Variants in CSMD1 observed in about 807,000 individuals in gnomAD.
The protein encoded by CSMD1 is CUB and sushi domain-containing protein 1.
In CSMD1, 213 loss-of-function variants were observed where a neutral mutation model predicts 417.5. That is an observed-to-expected ratio of 0.51 (90% CI 0.46 to 0.57). CSMD1 has a LOEUF of 0.57. Among genes scored for constraint, CSMD1 ranks in the 20% least tolerant of loss-of-function variants. CSMD1 has a pLI of 0.00. For synonymous variants in CSMD1, 2,862 were observed against 1,736.8 expected (o/e 1.65, Z -16.11); for missense variants, 6,923 against 4,529.7 (o/e 1.53, Z -15.17).
At chr8:4,214,357 G>C (rs903698013) in intron 3 of CSMD1, among the ~76,000 whole-genome samples, 3 of 152,190 alleles carry the variant, frequency 2.0e-5, no homozygotes, top group African/African-American at 4.8e-5. Flanking sequence ...GAGTGCAGTG[G>C]TGCGATCTTG....
chr8:2,999,649 C>T (rs1487971417), intron 53 of CSMD1, among the ~76,000 whole-genome samples: 2 of 152,088 alleles, frequency 1.3e-5, no homozygotes, highest in African/African-American at 2.4e-5. Context: ...CCAGTTTATC[C>T]TGTGATAAAA....
rs1194770188 is a variant in CSMD1 at position 3,533,149 on chromosome 8, A to G, written c.1345-39423T>C. On this transcript the variant is annotated intron_variant, in intron 10 of 69. Transcript: ENST00000635120. ...AGGACTTATTTTTGCAGAGGAAGAA[A>G]TTTAAAGATCAAATTCTGTGCCAAA... Among the ~76,000 whole-genome samples the G allele has an allele frequency of 2.0e-5, 3 of 152,206 alleles. No homozygotes were observed. In the East Asian group the frequency reaches 5.8e-4, roughly 29 times the overall value.
chr8:3,412,963 A>G (rs1812908794), intron 12 of CSMD1, among the ~76,000 whole-genome samples: 1 of 152,290 alleles, frequency 6.6e-6, no homozygotes, highest in South Asian at 2.1e-4. Flanking sequence ...GCATAGCACA[A>G]ATCTGTGCAG....
chr8:3,072,649 G>C (rs1443952222), intron 49 of CSMD1, among the ~76,000 whole-genome samples: 2 of 152,138 alleles, frequency 1.3e-5, no homozygotes, highest in African/African-American at 4.8e-5. Flanking sequence ...CCTTTTAATA[G>C]TATCCCAATT....
intron 3 of CSMD1, among the ~76,000 whole-genome samples, chr8:4,285,440 G>A (rs1007979712): frequency 6.6e-6 from 1 of 152,138 alleles, no homozygotes; most frequent in African/African-American, 2.4e-5. Context: ...ACCTAGACAA[G>A]GGTATTAGTT....
chr8:3,142,408 T>A (rs933855365), intron 41 of CSMD1, 57 bp downstream of exon 41: 6 of 1,382,228 alleles, frequency 4.3e-6, no homozygotes, highest in Non-Finnish European at 6.1e-6. Flanking sequence ...TTAAATACAA[T>A]TTACATGTAA....
intron 46 of CSMD1, among the ~76,000 whole-genome samples, chr8:3,105,075 C>A (rs1157793951): frequency 6.6e-6 from 1 of 152,248 alleles, no homozygotes; most frequent in Non-Finnish European, 1.5e-5. Flanking sequence ...GAAGTCGATA[C>A]TTTTGCAAAG....
chr8:4,087,441 A>C (rs1316570863), intron 3 of CSMD1, among the ~76,000 whole-genome samples: 3 of 152,208 alleles, frequency 2.0e-5, no homozygotes, highest in Non-Finnish European at 4.4e-5. Context: ...ATGTTAAATT[A>C]AGTAGAAACC....
At chr8:3,612,270 T>G (rs910451111) in intron 8 of CSMD1, among the ~76,000 whole-genome samples, 2 of 152,218 alleles carry the variant, frequency 1.3e-5, no homozygotes, top group African/African-American at 4.8e-5. Context: ...TTTTAAACAT[T>G]TGCGTACCTA....
chr8:3,774,071 G>A (rs1212011834), intron 5 of CSMD1, among the ~76,000 whole-genome samples: 1 of 152,054 alleles, frequency 6.6e-6, no homozygotes. Context: ...TAAAATACAG[G>A]CTGAGTCATG....
chr8:4,898,070 T>G (rs919637338), intron 1 of CSMD1, among the ~76,000 whole-genome samples: 1 of 152,154 alleles, frequency 6.6e-6, no homozygotes, highest in African/African-American at 2.4e-5. Context: ...TAGTTGGAAA[T>G]ATTTAGAAAT....
At chr8:3,052,877 G>A (rs1335115899) in intron 49 of CSMD1, among the ~76,000 whole-genome samples, 3 of 150,974 alleles carry the variant, frequency 2.0e-5, no homozygotes, top group Non-Finnish European at 4.4e-5. Flanking sequence ...CACCTCTTGG[G>A]TTCAAGTGAT....
In CSMD1 at chr8:4,360,686, G is replaced by A. The variant is rs1443104933; in HGVS notation, c.415+59267C>T. Among the ~76,000 whole-genome samples, 5 of 152,102 alleles carry A rather than the reference G, an allele frequency of 3.3e-5. 1 individual carries two copies. The South Asian group carries it at 8.3e-4, about 25-fold the overall frequency. On this transcript the variant is annotated intron_variant, in intron 3 of 69. Coordinates refer to ENST00000635120, the MANE Select transcript of CSMD1 (RefSeq NM_033225.6). ...TTTTTTTGTTTTTTAGTGGACACAG[G>A]GTTTCAACATCTTAGCCAGGATGGT...
chr8:4,267,063 A>G lies in CSMD1; in HGVS notation c.415+152890T>C, dbSNP rs1251841182. On this transcript the variant is annotated intron_variant, in intron 3 of 69. Transcript: ENST00000635120. ...CAGAAACCATTCCTGTTAAAGAGAC[A>G]AGAATAGAGTGTCTGTTTACTTCAA... 2.3e-4 allele frequency among the ~76,000 whole-genome samples: 24 copies of G among 104,316 alleles called. 3 individuals carry two copies. Among genetic ancestry groups the G allele is most frequent in the African/African-American group, 6.2e-4 (24 of 38,518 alleles). The allele number at this position is 104,316 out of a possible 152,430, so 68.4% of individuals were successfully genotyped here. A position where few individuals can be genotyped will look rare whatever the true frequency, so the allele number is the denominator to read the frequency against.
intron 1 of CSMD1, among the ~76,000 whole-genome samples, chr8:4,680,100 A>G (rs943297926): frequency 6.6e-6 from 1 of 152,250 alleles, no homozygotes; most frequent in Non-Finnish European, 1.5e-5. Flanking sequence ...TTCACAAATC[A>G]TAGATACCTT....
At chr8:3,926,084 C>T (rs1200652077) in intron 5 of CSMD1, among the ~76,000 whole-genome samples, 485 of 9,652 alleles carry the variant, frequency 0.05, 49 homozygotes, top group African/African-American at 0.21. Flanking sequence ...AAACACCATA[C>T]ACACACACAC....
chr8:4,273,696 G>C (rs1378596076), intron 3 of CSMD1, among the ~76,000 whole-genome samples: 3 of 152,056 alleles, frequency 2.0e-5, no homozygotes, highest in African/African-American at 7.2e-5. Context: ...TATGGTATTC[G>C]AATATTCAGT....
At chr8:2,985,780 C>T (rs541161287) in intron 54 of CSMD1, among the ~76,000 whole-genome samples, 13 of 152,134 alleles carry the variant, frequency 8.5e-5, no homozygotes, top group East Asian at 1.9e-4. Flanking sequence ...AATAGCTGCC[C>T]GGAGCAACAG....
At chr8:3,018,257 C>G (rs779494131) in intron 52 of CSMD1, among the ~76,000 whole-genome samples, 16 of 152,154 alleles carry the variant, frequency 1.1e-4, no homozygotes, top group Non-Finnish European at 1.6e-4. Context: ...GCAAGATTGC[C>G]TTTATGGCAC....
Sources: gnomAD v4.1 joint callset for allele counts (sites outside exome capture counted in the v4.1 genomes callset) on GRCh38, gnomAD v4.1.1 for gene constraint, MANE v1.5 for transcripts, NCBI Gene and HGNC (gene_info 2026-07-23, HGNC 2026-07-21) for gene names.